ATP10A: variants seen among roughly 807,000 people sequenced by gnomAD.
ATP10A encodes the protein phospholipid-transporting ATPase VA.
A neutral mutation model predicts 147.8 loss-of-function variants in ATP10A; 111 were observed. The ratio of observed to expected loss-of-function variants is 0.75; its 90% confidence interval spans 0.64 to 0.88. ATP10A has a LOEUF of 0.88. Among genes scored for constraint, ATP10A ranks in the 40% least tolerant of loss-of-function variants. The probability of loss-of-function intolerance (pLI) is 0.00; values close to 1 mark genes in which losing one functional copy is unlikely to be tolerated. For synonymous variants in ATP10A, 875 were observed against 841.6 expected (o/e 1.04, Z -0.69); for missense variants, 1,927 against 1,959.0 (o/e 0.98, Z 0.31).
At chr15:25,749,836 A>C (rs1044413990) in intron 2 of ATP10A, among the ~76,000 whole-genome samples, 11 of 152,202 alleles carry the variant, frequency 7.2e-5, no homozygotes, top group African/African-American at 2.7e-4. Context: ...ATCTGAGACA[A>C]AAAATAAACT....
chr15:25,672,995 A>C (rs1899071487), downstream of ATP10A, among the ~76,000 whole-genome samples: 5 of 152,116 alleles, frequency 3.3e-5, no homozygotes, highest in South Asian at 1.0e-3. Context: ...GCCACATCCC[A>C]AGCGTAACAT....
At chr15:25,825,103 G>A (rs1247317050) in intron 1 of ATP10A, among the ~76,000 whole-genome samples, 1 of 152,184 alleles carries the variant, frequency 6.6e-6, no homozygotes, top group Non-Finnish European at 1.5e-5. Flanking sequence ...CCATACCAGA[G>A]AACTATCATT....
chr15:25,761,333 G>A (rs973688775), intron 2 of ATP10A, among the ~76,000 whole-genome samples: 1 of 152,184 alleles, frequency 6.6e-6, no homozygotes, highest in Non-Finnish European at 1.5e-5. Flanking sequence ...CCCGAGACTG[G>A]GTAATTTATA....
At chr15:25,770,208 G>A (rs1291687522) in intron 2 of ATP10A, among the ~76,000 whole-genome samples, 1 of 150,980 alleles carries the variant, frequency 6.6e-6, no homozygotes, top group Non-Finnish European at 1.5e-5. Context: ...CGACCCGGGC[G>A]AGGTGGGGAG....
intron 2 of ATP10A, among the ~76,000 whole-genome samples, chr15:25,737,842 A>G (rs1887372011): frequency 6.6e-6 from 1 of 152,154 alleles, no homozygotes; most frequent in Non-Finnish European, 1.5e-5. Context: ...GAAAATCAGG[A>G]CGCAAAGACA....
chr15:25,707,953 C>A (rs946597735), intron 12 of ATP10A, 23 bp downstream of exon 12: 1 of 1,612,696 alleles, frequency 6.2e-7, no homozygotes, highest in African/African-American at 1.3e-5. Flanking sequence ...TGCCCTTAGG[C>A]ATGCGACTCT....
At chr15:25,740,904 C>T (rs1887549805) in intron 2 of ATP10A, among the ~76,000 whole-genome samples, 1 of 152,264 alleles carries the variant, frequency 6.6e-6, no homozygotes, top group African/African-American at 2.4e-5. Flanking sequence ...CCATCCCTCC[C>T]AGCACCCATT....
At chr15:25,814,849 A>G (rs1194770901) in intron 1 of ATP10A, among the ~76,000 whole-genome samples, 1 of 152,218 alleles carries the variant, frequency 6.6e-6, no homozygotes, top group Non-Finnish European at 1.5e-5. Flanking sequence ...AGAGCCAGCC[A>G]CATAGTCTGG....
At chr15:25,765,512 T>C (rs934323226) in intron 2 of ATP10A, among the ~76,000 whole-genome samples, 2 of 151,846 alleles carry the variant, frequency 1.3e-5, no homozygotes, top group African/African-American at 2.4e-5. Context: ...TCTAATGATA[T>C]CACATCCCTC....
downstream of ATP10A, among the ~76,000 whole-genome samples, chr15:25,674,028 C>T (rs1054530907): frequency 3.3e-5 from 5 of 152,192 alleles, no homozygotes; most frequent in African/African-American, 1.2e-4. Flanking sequence ...TTGCGTGTCC[C>T]TGGACAGTTA....
chr15:25,681,334 C>T (rs914273225), intron 17 of ATP10A, among the ~76,000 whole-genome samples: 5 of 152,188 alleles, frequency 3.3e-5, no homozygotes, highest in Non-Finnish European at 4.4e-5. Flanking sequence ...CTCAAACAGG[C>T]ACCATCTTTG....
chr15:25,689,948 C>T (rs936708692), intron 15 of ATP10A, among the ~76,000 whole-genome samples: 1 of 152,216 alleles, frequency 6.6e-6, no homozygotes, highest in Non-Finnish European at 1.5e-5. Context: ...AGGCACTGCC[C>T]CCATCAGATT....
At chr15:25,779,473 T>C (rs1455211724) in intron 2 of ATP10A, among the ~76,000 whole-genome samples, 1 of 151,642 alleles carries the variant, frequency 6.6e-6, no homozygotes, top group African/African-American at 2.4e-5. Flanking sequence ...ATGTCAGTGT[T>C]AGTTCACATC....
intron 1 of ATP10A, among the ~76,000 whole-genome samples, chr15:25,823,364 G>T (rs950028161): frequency 6.6e-6 from 1 of 152,164 alleles, no homozygotes; most frequent in Non-Finnish European, 1.5e-5. Flanking sequence ...AATGTTTTCA[G>T]AAGAGTTATA....
At chr15:25,699,518 A>G (rs969983723) in intron 13 of ATP10A, among the ~76,000 whole-genome samples, 1 of 152,200 alleles carries the variant, frequency 6.6e-6, no homozygotes, top group Non-Finnish European at 1.5e-5. Flanking sequence ...GAAAATATTC[A>G]TAATTAGGCA....
At chr15:25,687,952 G>A (rs759972571) in intron 15 of ATP10A, 124 bp from the exon 16 acceptor site, 55 of 1,394,036 alleles carry the variant, frequency 3.9e-5, no homozygotes, top group African/African-American at 1.0e-4. Flanking sequence ...CAGTGCGAGC[G>A]TGGCCGGCCA....
chr15:25,858,839 G>T (rs967666904), intron 1 of ATP10A, among the ~76,000 whole-genome samples: 5 of 152,012 alleles, frequency 3.3e-5, no homozygotes, highest in African/African-American at 4.8e-5. Context: ...ACACTGAAAG[G>T]TGTCAATAAG....
intron 2 of ATP10A, among the ~76,000 whole-genome samples, chr15:25,772,706 A>G (rs1435619977): frequency 6.6e-6 from 1 of 152,222 alleles, no homozygotes; most frequent in Non-Finnish European, 1.5e-5. Flanking sequence ...ACGACCCTGA[A>G]GATCTGGCAC....
chr15:25,800,209 T>C (rs1435013420), intron 1 of ATP10A, among the ~76,000 whole-genome samples: 2 of 152,098 alleles, frequency 1.3e-5, no homozygotes, highest in Non-Finnish European at 2.9e-5. Context: ...GGAAGAAACA[T>C]TGACATTTAA....
Sources: gnomAD v4.1 joint callset for allele counts (sites outside exome capture counted in the v4.1 genomes callset) on GRCh38, gnomAD v4.1.1 for gene constraint, MANE v1.5 for transcripts, NCBI Gene and HGNC (gene_info 2026-07-23, HGNC 2026-07-21) for gene names.